The following MYH10 variants were observed in gnomAD, a reference collection of about 807,000 sequenced individuals.
The protein encoded by MYH10 is myosin heavy chain 10.
In MYH10, 55 loss-of-function variants were observed where a neutral mutation model predicts 257.8. The observed-to-expected ratio is 0.21, with a 90% CI of 0.17 to 0.27. The LOEUF (loss-of-function observed/expected upper bound fraction) is 0.27, where lower values mean the gene tolerates loss of function less well. Ranked by LOEUF, MYH10 falls within the 10% of genes least tolerant of loss-of-function variation. The pLI, the probability that MYH10 is intolerant of heterozygous loss-of-function variation, is 1.00. For missense variants in MYH10, 1,631 were observed against 2,500.6 expected (o/e 0.65, Z 7.42); for synonymous variants, 854 against 921.7 (o/e 0.93, Z 1.33).
intron 2 of MYH10, among the ~76,000 whole-genome samples, chr17:8,607,051 A>G (rs532110335): frequency 6.6e-6 from 1 of 152,356 alleles, no homozygotes; most frequent in East Asian, 1.9e-4. Context: ...AGGCTTTATT[A>G]AGGCTGAGAA....
chr17:8,500,698 C>G, intron 29 of MYH10, 128 bp downstream of exon 29: 1 of 1,145,368 alleles, frequency 8.7e-7, no homozygotes, highest in South Asian at 1.7e-5. Flanking sequence ...TACCCAGCAG[C>G]CCACTCAGTG....
At chr17:8,563,124 T>C (rs2083051510) in intron 7 of MYH10, among the ~76,000 whole-genome samples, 1 of 152,254 alleles carries the variant, frequency 6.6e-6, no homozygotes, top group East Asian at 1.9e-4. Flanking sequence ...GATAGGGTGC[T>C]ATGCATGTGT....
intron 30 of MYH10, among the ~76,000 whole-genome samples, chr17:8,496,009 G>A (rs1916559042): frequency 6.6e-6 from 1 of 151,984 alleles, no homozygotes; most frequent in Admixed American, 6.6e-5. Flanking sequence ...ACACCCGGCT[G>A]GAAGTTCTTT....
chr17:8,624,009 C>A (rs996564713), intron 1 of MYH10, among the ~76,000 whole-genome samples: 7 of 152,206 alleles, frequency 4.6e-5, no homozygotes, highest in African/African-American at 1.2e-4. Flanking sequence ...CCTAAACAGA[C>A]TCCAACATGC....
At chr17:8,621,969 G>A (rs1446304032) in intron 2 of MYH10, among the ~76,000 whole-genome samples, 1 of 152,202 alleles carries the variant, frequency 6.6e-6, no homozygotes, top group Admixed American at 6.5e-5. Flanking sequence ...CCAGCACCTA[G>A]AGCACAGGGG....
rs139926963 is a variant in MYH10, at chr17:8,492,471, G to A, written c.4497C>T (p.Ala1499=). ...CGGCTTCGGCCCGGTCCCGCTCTTC[G>A]GCATAGCGAGCAGAGATGCTCTTCT... is the stretch of plus-strand genomic sequence containing the variant. ...AEEKSISARY[A]EERDRAEAEA... The change falls in exon 34 of 43, where the codon GCC becomes GCT. Residue 1499 remains alanine, a synonymous_variant. Transcript: ENST00000360416. 7.4e-6 allele frequency: 12 copies of A among 1,612,104 alleles called. No homozygotes were observed. Among genetic ancestry groups the A allele is most frequent in the African/African-American group, 1.3e-5 (1 of 74,894 alleles).
At chr17:8,524,220 C>G (rs1243289700) in intron 17 of MYH10, among the ~76,000 whole-genome samples, 5 of 151,894 alleles carry the variant, frequency 3.3e-5, no homozygotes, top group Non-Finnish European at 7.4e-5. Context: ...GCAGGAGGAT[C>G]ACTTGAGGTC....
At chr17:8,512,300 T>C in intron 24 of MYH10, 151 bp downstream of exon 24, 1 of 624,354 alleles carries the variant, frequency 1.6e-6, no homozygotes, top group African/African-American at 1.8e-5. Flanking sequence ...GTGTTTCAAA[T>C]GATGGTCATC....
chr17:8,491,428 G>C (rs955990884), intron 34 of MYH10, among the ~76,000 whole-genome samples: 2 of 152,188 alleles, frequency 1.3e-5, no homozygotes, highest in African/African-American at 4.8e-5. Context: ...GCTAGTCCCT[G>C]GGCGCCAAGT....
chr17:8,491,346 G>GAGTT (rs1387740621), intron 34 of MYH10, among the ~76,000 whole-genome samples: 1 of 152,222 alleles, frequency 6.6e-6, no homozygotes, highest in Non-Finnish European at 1.5e-5. Flanking sequence ...ATCAACTGTA[G>GAGTT]AGTTCTCTCT....
Position 8,589,220 on chromosome 17 carries a change from C to A in MYH10, c.503-112G>T, listed in dbSNP as rs180913007. On this transcript the variant is annotated intron_variant, in intron 3 of 42. Coordinates refer to ENST00000360416, the MANE Select transcript of MYH10 (RefSeq NM_001256012.3). Reference sequence around the variant, plus strand: ...AGCCTATAAAATATTAGTAACTACTCCTCTCGAGCCAAGTTAATGCCTCCA... The same window carrying A: ...AGCCTATAAAATATTAGTAACTACTACTCTCGAGCCAAGTTAATGCCTCCA... The A allele has an allele frequency of 8.0e-4, 849 of 1,060,548 alleles. 9 individuals carry two copies. The African/African-American group carries it at 0.011, about 14-fold the overall frequency. 65.7% of individuals were successfully genotyped at this position (1,060,548 alleles called of 1,614,324 possible). A position where few individuals can be genotyped will look rare whatever the true frequency, so the allele number is the denominator to read the frequency against.
chr17:8,577,451 G>A (rs1879460287), intron 4 of MYH10, 113 bp from the exon 5 acceptor site: 8 of 528,052 alleles, frequency 1.5e-5, no homozygotes, highest in Non-Finnish European at 2.6e-5. Context: ...AAAATAAAAA[G>A]AATAAATAGA....
At chr17:8,553,665 A>C (rs2082708788) in intron 8 of MYH10, among the ~76,000 whole-genome samples, 1 of 152,210 alleles carries the variant, frequency 6.6e-6, no homozygotes, top group Non-Finnish European at 1.5e-5. Flanking sequence ...GTGGGCTAAC[A>C]GCAATAGGGG....
rs1479670406 is a variant in MYH10, at chr17:8,504,017, C to G, written c.3599+677G>C. On this transcript the variant is annotated intron_variant, in intron 28 of 42. Transcript: ENST00000360416. This position sits in a 1 kb window ranked among gnomAD's most constrained non-coding sequence, Gnocchi z 5.6. ...CCTATGAGTCCGTGGGAGCCGCAGG[C>G]CAGCACCTCCAGGCCTGCGTACCGG... Among the ~76,000 whole-genome samples, 1 of 152,310 alleles carries G rather than the reference C, an allele frequency of 6.6e-6. No homozygotes were observed. Among genetic ancestry groups the G allele is most frequent in the Non-Finnish European group, 1.5e-5 (1 of 68,020 alleles).
chr17:8,592,089 T>C (rs1417440735), intron 3 of MYH10, among the ~76,000 whole-genome samples: 3 of 152,228 alleles, frequency 2.0e-5, no homozygotes, highest in African/African-American at 7.2e-5. Flanking sequence ...AAAATGCAAC[T>C]AGCCTTCTAA....
Position 8,548,570 on chromosome 17 carries a change from A to G in MYH10, c.1063+74T>C. The G allele has an allele frequency of 2.0e-6, 3 of 1,531,602 alleles. No homozygotes were observed. In the South Asian group the frequency reaches 3.7e-5, roughly 19 times the overall value. 94.9% of individuals were successfully genotyped at this position (1,531,602 alleles called of 1,614,324 possible). A position where few individuals can be genotyped will look rare whatever the true frequency, so the allele number is the denominator to read the frequency against. On this transcript the variant is annotated intron_variant, in intron 10 of 42. Coordinates refer to ENST00000360416, the MANE Select transcript of MYH10 (RefSeq NM_001256012.3). ...TTCATTAGTTTCCCAGTCATTTTCT[A>G]GTTTAGGTGATTTACCCCAGATGTA...
intron 10 of MYH10, 51 bp from the exon 11 acceptor site, chr17:8,548,459 C>A: frequency 6.9e-7 from 1 of 1,441,710 alleles, no homozygotes; most frequent in South Asian, 1.3e-5. Flanking sequence ...CAAAATGTAG[C>A]GGAGACATAT....
intron 41 of MYH10, 46 bp downstream of exon 41, chr17:8,478,292 A>C: frequency 6.7e-7 from 1 of 1,501,302 alleles, no homozygotes; most frequent in Non-Finnish European, 9.3e-7. Context: ...ATTCTCCACC[A>C]GTTCCTTTGC....
intron 37 of MYH10, among the ~76,000 whole-genome samples, chr17:8,483,740 C>A (rs1195384621): frequency 6.6e-6 from 1 of 152,196 alleles, no homozygotes; most frequent in East Asian, 1.9e-4. Flanking sequence ...AACTTCTCTC[C>A]TTTTAAGTTA....
Sources: gnomAD v4.1 joint callset for allele counts (sites outside exome capture counted in the v4.1 genomes callset) on GRCh38, gnomAD v4.1.1 for gene constraint, Gnocchi (gnomAD v3.1) non-coding constraint, MANE v1.5 for transcripts, NCBI Gene and HGNC (gene_info 2026-07-23, HGNC 2026-07-21) for gene names.